Variants in DIS3L2 observed in about 807,000 individuals in gnomAD.
The protein encoded by DIS3L2 is DIS3-like exonuclease 2.
Under a neutral mutation model 97.5 loss-of-function variants are expected in DIS3L2, and 34 were observed. The observed-to-expected ratio is 0.35, with a 90% CI of 0.27 to 0.46. The LOEUF is 0.46. Among genes scored for constraint, DIS3L2 ranks in the 20% least tolerant of loss-of-function variants. The pLI is 1.00. For synonymous variants in DIS3L2, 435 were observed against 445.2 expected (o/e 0.98, Z 0.29); for missense variants, 1,038 against 1,146.0 (o/e 0.91, Z 1.36).
chr2:232,284,346 G>A (rs572910393), intron 13 of DIS3L2, among the ~76,000 whole-genome samples: 1 of 152,306 alleles, frequency 6.6e-6, no homozygotes, highest in Admixed American at 6.5e-5. Flanking sequence ...CTCAACTTCT[G>A]TGAGCCTCCA....
intron 6 of DIS3L2, among the ~76,000 whole-genome samples, chr2:232,108,523 A>G (rs1697427491): frequency 6.6e-6 from 1 of 152,224 alleles, no homozygotes; most frequent in Non-Finnish European, 1.5e-5. Context: ...CACCACTCCT[A>G]GTCAACATAG....
intron 1 of DIS3L2, among the ~76,000 whole-genome samples, chr2:231,983,993 T>A (rs894466399): frequency 1.3e-5 from 2 of 152,078 alleles, no homozygotes; most frequent in Admixed American, 6.5e-5. Flanking sequence ...AAAAGGCTAT[T>A]TTTGTGTATT....
intron 5 of DIS3L2, among the ~76,000 whole-genome samples, chr2:232,078,015 TTC>T (rs1559602471): frequency 1.6e-5 from 2 of 128,186 alleles, no homozygotes; most frequent in Admixed American, 8.8e-5. Flanking sequence ...CTTTCTTTCT[TTC>T]TTTTTCTCTT....
intron 6 of DIS3L2, among the ~76,000 whole-genome samples, chr2:232,124,440 TGAA>T (rs1304949379): frequency 2.0e-5 from 3 of 152,106 alleles, no homozygotes; most frequent in Non-Finnish European, 4.4e-5. Context: ...TTAAATATTT[TGAA>T]GAGAAAAAGT....
Position 231,985,668 on chromosome 2 carries a change from A to G in DIS3L2, c.-94+23903A>G, listed in dbSNP as rs536807429. ...TTCCTTTCTCTCTCTCCACTTTTCC[A>G]TACACACACAAATATAAACTAAAAT... is the stretch of plus-strand genomic sequence containing the variant. On this transcript the variant is annotated intron_variant, in intron 1 of 20. Coordinates refer to ENST00000325385, the MANE Select transcript of DIS3L2 (RefSeq NM_152383.5). Among the ~76,000 whole-genome samples, 38 of 152,296 alleles carry G rather than the reference A, an allele frequency of 2.5e-4. 1 individual carries two copies. In the South Asian group the frequency reaches 6.4e-3, roughly 26 times the overall value.
At chr2:232,088,688 T>TTGAAATCTAAGCCATGGGCCCTC (rs1696742356) in intron 6 of DIS3L2, among the ~76,000 whole-genome samples, 1 of 152,154 alleles carries the variant, frequency 6.6e-6, no homozygotes, top group Non-Finnish European at 1.5e-5. Flanking sequence ...TTTTCTCTGA[T>TTGAAATCTAAGCCATGGGCCCTC]TGAAATCTAA....
At chr2:232,339,138 C>T (rs1696054106), downstream of DIS3L2, among the ~76,000 whole-genome samples, 1 of 152,206 alleles carries the variant, frequency 6.6e-6, no homozygotes, top group Non-Finnish European at 1.5e-5. Context: ...TTGCAGCCAC[C>T]CTCCTGGGGA....
At chr2:232,312,559 G>A (rs1695166146) in intron 14 of DIS3L2, among the ~76,000 whole-genome samples, 4 of 152,180 alleles carry the variant, frequency 2.6e-5, no homozygotes, top group Admixed American at 2.0e-4. Context: ...TTTCTATAAA[G>A]AGCACCTATG....
At chr2:232,113,139 A>G (rs1262924023) in intron 6 of DIS3L2, among the ~76,000 whole-genome samples, 1 of 152,162 alleles carries the variant, frequency 6.6e-6, no homozygotes, top group Non-Finnish European at 1.5e-5. Context: ...AAACTGGGGC[A>G]TGGCTGGGAA....
Position 232,333,829 on chromosome 2 carries a change from C to G in DIS3L2, c.2011-11C>G, listed in dbSNP as rs762734384. ...TGGGCTTGTCAGGCTCTGACCCATC[C>G]CGTCCCGCAGATGGCACTGTACTTC... is the stretch of plus-strand genomic sequence containing the variant. On this transcript the variant is annotated splice_polypyrimidine_tract_variant and intron_variant, in intron 16 of 20. Coordinates refer to ENST00000325385, the MANE Select transcript of DIS3L2 (RefSeq NM_152383.5). 10 of 1,605,348 alleles carry G rather than the reference C, an allele frequency of 6.2e-6. No homozygotes were observed. The highest frequency in any genetic ancestry group is 2.7e-5 in the African/African-American group (2 of 74,870).
intron 9 of DIS3L2, among the ~76,000 whole-genome samples, chr2:232,181,952 G>C (rs889633937): frequency 6.6e-6 from 1 of 151,958 alleles, no homozygotes; most frequent in East Asian, 1.9e-4. Flanking sequence ...GTGCCCGGGC[G>C]CCTGGCTAAT....
intron 1 of DIS3L2, among the ~76,000 whole-genome samples, chr2:231,986,610 T>C (rs1693420959): frequency 6.6e-6 from 1 of 152,182 alleles, no homozygotes; most frequent in Non-Finnish European, 1.5e-5. Flanking sequence ...AATGAGAACT[T>C]TACATGTATT....
At chr2:232,230,406 C>T (rs1423585236) in intron 10 of DIS3L2, among the ~76,000 whole-genome samples, 2 of 152,172 alleles carry the variant, frequency 1.3e-5, no homozygotes, top group Non-Finnish European at 2.9e-5. Context: ...GCTCAGCCCC[C>T]TTGGTTGGAT....
chr2:232,336,796 G>C lies in DIS3L2; in HGVS notation c.*166G>C, dbSNP rs958986084. 17 of 1,440,534 alleles carry C rather than the reference G, an allele frequency of 1.2e-5. No individual in the cohort carries two copies. The African/African-American group carries it at 1.7e-4, about 15-fold the overall frequency. 89.2% of individuals were successfully genotyped at this position (1,440,534 alleles called of 1,614,324 possible). A position where few individuals can be genotyped will look rare whatever the true frequency, so the allele number is the denominator to read the frequency against. On this transcript the variant is annotated 3_prime_UTR_variant, in exon 21 of 21. Coordinates refer to ENST00000325385, the MANE Select transcript of DIS3L2 (RefSeq NM_152383.5). ...GCTCAACTTTTAAACAAACTGCAGG[G>C]GAGAGGGTGGGGCTGGAAGGAAGGC...
intron 1 of DIS3L2, among the ~76,000 whole-genome samples, chr2:232,010,147 A>G (rs1460336095): frequency 6.6e-6 from 1 of 152,154 alleles, no homozygotes; most frequent in Non-Finnish European, 1.5e-5. Context: ...ATTTGTTGTA[A>G]TGTTTTTGAT....
chr2:231,996,755 G>A (rs983585593), intron 1 of DIS3L2, among the ~76,000 whole-genome samples: 2 of 152,204 alleles, frequency 1.3e-5, no homozygotes, highest in Admixed American at 1.3e-4. Context: ...ATATAAAATG[G>A]ATTATTCTTT....
intron 5 of DIS3L2, among the ~76,000 whole-genome samples, chr2:232,079,888 A>G (rs1278390572): frequency 6.6e-6 from 1 of 152,226 alleles, no homozygotes; most frequent in Non-Finnish European, 1.5e-5. Context: ...GGTCATTTGC[A>G]AAAGAAGAAA....
chr2:232,234,394 G>C (rs921844116), intron 10 of DIS3L2, among the ~76,000 whole-genome samples: 3 of 152,142 alleles, frequency 2.0e-5, no homozygotes, highest in African/African-American at 7.2e-5. Flanking sequence ...CTCTTGCTCA[G>C]GGTGGAGTGC....
intron 1 of DIS3L2, among the ~76,000 whole-genome samples, chr2:231,993,803 G>A (rs1429839056): frequency 1.3e-5 from 2 of 149,544 alleles, no homozygotes; most frequent in East Asian, 1.9e-4. Context: ...GAGCTCTAAC[G>A]GTTAACATTG....
Sources: gnomAD v4.1 joint callset for allele counts (sites outside exome capture counted in the v4.1 genomes callset) on GRCh38, gnomAD v4.1.1 for gene constraint, MANE v1.5 for transcripts, NCBI Gene and HGNC (gene_info 2026-07-23, HGNC 2026-07-21) for gene names.